The following MTUS1 variants were observed in gnomAD, a reference collection of about 807,000 sequenced individuals.
The protein encoded by MTUS1 is microtubule-associated tumor suppressor 1.
Under a neutral mutation model 120.8 loss-of-function variants are expected in MTUS1, and 109 were observed. The observed-to-expected ratio is 0.90, with a 90% confidence interval of 0.77 to 1.06. MTUS1 has a LOEUF of 1.06. Among genes scored for constraint, MTUS1 ranks in the 50% least tolerant of loss-of-function variants. The pLI is 0.00. For synonymous variants in MTUS1, 737 were observed against 550.5 expected (o/e 1.34, Z -4.74); for missense variants, 2,210 against 1,486.3 (o/e 1.49, Z -8.01).
rs1488747032 is a variant in MTUS1 at position 17,755,513 on chromosome 8, T to C, written c.295A>G (p.Lys99Glu). The part of the protein sequence containing the change: ...FISKQVLDMH[K>E]DSICQCPALV... ...GCAGGACACTGACAAATAGAATCTT[T>C]ATGCATATCTAACACCTGCTTACTA... is the stretch of plus-strand genomic sequence containing the variant. The change falls in exon 2 of 15, where the codon AAA (lysine) becomes GAA (glutamate). Residue 99 changes from lysine to glutamate, a missense_variant. Coordinates refer to ENST00000693296, the MANE Select transcript of MTUS1 (RefSeq NM_001363059.2). 4 of 1,614,208 alleles carry C rather than the reference T, an allele frequency of 2.5e-6. No homozygotes were observed. Among genetic ancestry groups the C allele is most frequent in the Admixed American group, 3.3e-5 (2 of 60,028 alleles).
At chr8:17,647,902 G>T (rs541401642) in intron 13 of MTUS1, among the ~76,000 whole-genome samples, 1 of 152,174 alleles carries the variant, frequency 6.6e-6, no homozygotes, top group Non-Finnish European at 1.5e-5. Context: ...CAGGACTAAC[G>T]CGCTTTGAGT....
At chr8:17,700,441 G>C (rs1286944851) in intron 6 of MTUS1, among the ~76,000 whole-genome samples, 1 of 88,640 alleles carries the variant, frequency 1.1e-5, no homozygotes, top group Non-Finnish European at 2.3e-5. Context: ...TTGCACTCCA[G>C]CCTGGGCAAT....
intron 7 of MTUS1, among the ~76,000 whole-genome samples, chr8:17,680,894 G>A (rs35985354): frequency 0.56 from 85,035 of 151,744 alleles, 24,850 homozygotes; most frequent in Middle Eastern, 0.7. Context: ...CGTTCACTGG[G>A]GGGAATACAA....
At chr8:17,730,911 T>C (rs2046531297) in intron 3 of MTUS1, among the ~76,000 whole-genome samples, 1 of 152,086 alleles carries the variant, frequency 6.6e-6, no homozygotes, top group Admixed American at 6.5e-5. Flanking sequence ...CTGCAAAAAA[T>C]GTGAATGTAC....
intron 1 of MTUS1, among the ~76,000 whole-genome samples, chr8:17,756,641 A>C (rs1157599925): frequency 0.011 from 1,306 of 121,012 alleles, no homozygotes; most frequent in South Asian, 0.017. Flanking sequence ...ACTGTTCCCC[A>C]CCCCTCTCCA....
At chr8:17,761,757 G>T (rs1030470258) in intron 1 of MTUS1, among the ~76,000 whole-genome samples, 1 of 152,090 alleles carries the variant, frequency 6.6e-6, no homozygotes, top group African/African-American at 2.4e-5. Flanking sequence ...TTAATATATG[G>T]CACGCCAGTC....
intron 7 of MTUS1, chr8:17,676,187 C>A: frequency 1.4e-6 from 1 of 695,774 alleles, no homozygotes. Flanking sequence ...AGTTGCTTGT[C>A]ATTCAAAGCA....
chr8:17,724,122 GATCA>G (rs1387592262), intron 3 of MTUS1: 2 of 523,868 alleles, frequency 3.8e-6, no homozygotes, highest in African/African-American at 3.8e-5. Flanking sequence ...TGAAGGAGAT[GATCA>G]ATCAGAATAA....
At position 17,721,770 on chromosome 8, in the gene MTUS1, G is replaced by A. The variant is rs148782448; in HGVS notation, c.2449+1902C>T. On this transcript the variant is annotated intron_variant, in intron 4 of 14. Transcript: ENST00000693296. Reference sequence around the variant, plus strand: ...TTATACAAAGGCTGTACGATCCCACGACCAGCAGTGTCAATAAGGTAGCAT... The same window carrying A: ...TTATACAAAGGCTGTACGATCCCACAACCAGCAGTGTCAATAAGGTAGCAT... 4.9e-4 allele frequency: 798 copies of A among 1,614,024 alleles called. 1 individual carries two copies. In the African/African-American group the frequency reaches 9.3e-3, roughly 19 times the overall value.
chr8:17,783,540 A>G (rs2051060471), intron 1 of MTUS1, among the ~76,000 whole-genome samples: 2 of 152,178 alleles, frequency 1.3e-5, no homozygotes, highest in African/African-American at 4.8e-5. Context: ...TTAAATAAAA[A>G]GATATGCAAT....
chr8:17,783,032 C>T (rs34943460), intron 1 of MTUS1, among the ~76,000 whole-genome samples: 1 of 151,978 alleles, frequency 6.6e-6, no homozygotes, highest in African/African-American at 2.4e-5. Flanking sequence ...GAGCCAAGAT[C>T]GTGCCATTGC....
intron 1 of MTUS1, among the ~76,000 whole-genome samples, chr8:17,765,857 A>C (rs1483984389): frequency 1.3e-5 from 2 of 152,136 alleles, no homozygotes; most frequent in Non-Finnish European, 1.5e-5. Flanking sequence ...AACCACTCAC[A>C]AAATCAGGTA....
chr8:17,701,846 G>C (rs1157836228), intron 6 of MTUS1, among the ~76,000 whole-genome samples: 1 of 152,172 alleles, frequency 6.6e-6, no homozygotes, highest in South Asian at 2.1e-4. Context: ...ACCGCACCCG[G>C]CCAGAATTTT....
chr8:17,663,657 A>C (rs1250034692), intron 8 of MTUS1, among the ~76,000 whole-genome samples: 1 of 152,082 alleles, frequency 6.6e-6, no homozygotes, highest in East Asian at 1.9e-4. Flanking sequence ...GTGTAGTGGC[A>C]CAATCTCAGC....
Position 17,760,074 on chromosome 8 carries a change from A to G in MTUS1, c.-154-4113T>C, listed in dbSNP as rs78651693. Among the ~76,000 whole-genome samples, 5 of 116,092 alleles carry G rather than the reference A, an allele frequency of 4.3e-5. No homozygotes were observed. In the East Asian group the frequency reaches 9.9e-4, roughly 23 times the overall value. The allele number at this position is 116,092 out of a possible 152,430, so 76.2% of individuals were successfully genotyped here. ...TTCTTTTCTTTTTTTTTTTTTTTTT[A>G]GCACGGTGGTGCATGCCTGTAGTCC... is the stretch of plus-strand genomic sequence containing the variant. On this transcript the variant is annotated intron_variant, in intron 1 of 14. Coordinates refer to ENST00000693296, the MANE Select transcript of MTUS1 (RefSeq NM_001363059.2).
In MTUS1 at chr8:17,753,992, ATGT is replaced by A. The variant is rs2048390550; in HGVS notation, c.1813_1815del (p.Thr605del). On this transcript the variant is annotated inframe_deletion, in exon 2 of 15. Transcript: ENST00000693296. ...TCTTCCTGATTCGATTTCACGGCAG[ATGT>A]TGTTCTTGGAACCCTGTGTGAAGCA... The A allele has an allele frequency of 6.2e-7, 1 of 1,614,206 alleles. No homozygotes were observed. The highest frequency in any genetic ancestry group is 2.2e-5 in the East Asian group (1 of 44,880).
intron 1 of MTUS1, among the ~76,000 whole-genome samples, chr8:17,778,458 T>G (rs1410711235): frequency 6.6e-6 from 1 of 152,228 alleles, no homozygotes; most frequent in Non-Finnish European, 1.5e-5. Flanking sequence ...TTGTCAAAAT[T>G]CATTGTACTA....
chr8:17,787,296 TAG>T (rs2051386300), intron 1 of MTUS1, among the ~76,000 whole-genome samples: 1 of 152,172 alleles, frequency 6.6e-6, no homozygotes, highest in Non-Finnish European at 1.5e-5. Flanking sequence ...ATCCTCCCAG[TAG>T]ACAGTCCCAT....
In MTUS1 at chr8:17,755,090, C is replaced by T; in HGVS notation, c.718G>A (p.Asp240Asn). 1.2e-6 allele frequency: 2 copies of T among 1,613,876 alleles called. No homozygotes were observed. The highest frequency in any genetic ancestry group is 8.5e-7 in the Non-Finnish European group (1 of 1,180,032). ...NPQVTPSEAQ[D>N]MTYTAFSDVV... ...TCAGAAAATGCTGTGTAAGTCATGTCTTGGGCTTCTGATGGTGTGACTTGA... is the reference window on the plus strand; with the variant it reads ...TCAGAAAATGCTGTGTAAGTCATGTTTTGGGCTTCTGATGGTGTGACTTGA... The change falls in exon 2 of 15, where the codon GAC (aspartate) becomes AAC (asparagine). Residue 240 changes from aspartate (D) to asparagine (N), a missense_variant. Transcript: ENST00000693296.
Sources: allele counts gnomAD v4.1 joint callset (sites outside exome capture counted in the v4.1 genomes callset), GRCh38; gene constraint gnomAD v4.1.1; transcripts MANE v1.5; gene names NCBI Gene and HGNC (gene_info 2026-07-23, HGNC 2026-07-21).